LAMA2: variants seen among roughly 807,000 people sequenced by gnomAD.
LAMA2 encodes the protein laminin subunit alpha 2, also known as laminin subunit alpha-2.
LAMA2 carries 269 observed loss-of-function variants against 364.8 expected under a neutral mutation model. That is an observed-to-expected ratio of 0.74 (90% CI 0.67 to 0.82). LAMA2 has a LOEUF of 0.82. Among genes scored for constraint, LAMA2 ranks in the 40% least tolerant of loss-of-function variants. The probability of loss-of-function intolerance (pLI) is 0.00; values close to 1 mark genes in which losing one functional copy is unlikely to be tolerated. For missense variants in LAMA2, 3,807 were observed against 3,873.2 expected (o/e 0.98, Z 0.45); for synonymous variants, 1,379 against 1,370.6 (o/e 1.01, Z -0.14).
intron 12 of LAMA2, among the ~76,000 whole-genome samples, chr6:129,219,993 AAAT>A (rs1242034569): frequency 1.3e-5 from 2 of 151,902 alleles, no homozygotes; most frequent in Admixed American, 6.6e-5. Flanking sequence ...AAATAAAATA[AAAT>A]AAGACCATTA....
chr6:129,186,008 C>T (rs917842641), intron 10 of LAMA2, among the ~76,000 whole-genome samples: 6 of 151,408 alleles, frequency 4.0e-5, no homozygotes, highest in Non-Finnish European at 5.9e-5. Flanking sequence ...TCATTAAATA[C>T]GCAAATTGAA....
chr6:129,222,223 A>G (rs895926231), intron 12 of LAMA2, among the ~76,000 whole-genome samples: 1 of 152,180 alleles, frequency 6.6e-6, no homozygotes, highest in African/African-American at 2.4e-5. Context: ...AGTCACGATT[A>G]GACCAATGAT....
At chr6:129,436,196 C>T (rs1447932107) in intron 41 of LAMA2, among the ~76,000 whole-genome samples, 1 of 152,140 alleles carries the variant, frequency 6.6e-6, no homozygotes, top group African/African-American at 2.4e-5. Flanking sequence ...AGTACATTGT[C>T]CCTCACGGCA....
At chr6:129,025,939 T>C (rs1455710641) in intron 1 of LAMA2, among the ~76,000 whole-genome samples, 1 of 152,192 alleles carries the variant, frequency 6.6e-6, no homozygotes, top group Non-Finnish European at 1.5e-5. Context: ...ACGTATTTGT[T>C]GTGCACAGAC....
chr6:129,507,968 C>T (rs1786239397), intron 62 of LAMA2, among the ~76,000 whole-genome samples: 1 of 138,318 alleles, frequency 7.2e-6, no homozygotes, highest in Admixed American at 7.6e-5. Context: ...CTTCCAGTTT[C>T]TGGAGATGAG....
intron 1 of LAMA2, among the ~76,000 whole-genome samples, chr6:128,934,040 A>G (rs9492143): frequency 0.024 from 3,591 of 152,166 alleles, 126 homozygotes; most frequent in African/African-American, 0.083. Flanking sequence ...CCTTTTCTTT[A>G]TATTTATTTT....
chr6:129,187,229 C>A, intron 10 of LAMA2, among the ~76,000 whole-genome samples: 1 of 151,610 alleles, frequency 6.6e-6, no homozygotes, highest in East Asian at 1.9e-4. Flanking sequence ...TTTGAAAAAA[C>A]AATGATGTCC....
intron 1 of LAMA2, among the ~76,000 whole-genome samples, chr6:128,885,808 C>T (rs767393270): frequency 6.6e-5 from 10 of 152,046 alleles, no homozygotes; most frequent in African/African-American, 1.2e-4. Context: ...TATGTGGTTT[C>T]TATAGCATAC....
intron 64 of LAMA2, among the ~76,000 whole-genome samples, chr6:129,515,705 T>C (rs1786999818): frequency 6.6e-6 from 1 of 152,370 alleles, no homozygotes; most frequent in Middle Eastern, 3.4e-3. Context: ...AAGTCACAAC[T>C]ATAAATTTGT....
intron 4 of LAMA2, among the ~76,000 whole-genome samples, chr6:129,129,910 C>G (rs1777358730): frequency 1.6e-5 from 2 of 123,272 alleles, no homozygotes; most frequent in African/African-American, 3.2e-5. Flanking sequence ...GGCGACAGAG[C>G]GAGATTCCGT....
chr6:129,493,069 C>T (rs896449425), intron 58 of LAMA2, among the ~76,000 whole-genome samples: 5 of 152,048 alleles, frequency 3.3e-5, no homozygotes, highest in African/African-American at 7.2e-5. Context: ...GCAGGAGAAT[C>T]GCTTGAACCC....
intron 12 of LAMA2, among the ~76,000 whole-genome samples, chr6:129,238,003 C>CAAAAAAAAAA (rs372294022): frequency 8.0e-6 from 1 of 125,390 alleles, no homozygotes; most frequent in Non-Finnish European, 1.6e-5. Flanking sequence ...ACTAAAAATA[C>CAAAAAAAAAA]AAAAAAAAAA....
chr6:129,193,568 T>G (rs1781664860), intron 12 of LAMA2, among the ~76,000 whole-genome samples: 1 of 152,230 alleles, frequency 6.6e-6, no homozygotes, highest in Admixed American at 6.5e-5. Flanking sequence ...TGCCTAATAC[T>G]TTGTTGGAAA....
At chr6:128,940,761 G>A (rs1291738220) in intron 1 of LAMA2, among the ~76,000 whole-genome samples, 1 of 152,098 alleles carries the variant, frequency 6.6e-6, no homozygotes. Flanking sequence ...AGGCCAGCCT[G>A]GGTAGCACAA....
Position 128,962,183 on chromosome 6 carries a change from TATAC to T in LAMA2, c.112+78828_112+78831del, listed in dbSNP as rs1463440842. Among the ~76,000 whole-genome samples the T allele has an allele frequency of 1.0e-3, 116 of 113,918 alleles. 1 individual carries two copies. The highest frequency in any genetic ancestry group is 1.5e-3 in the Non-Finnish European group (87 of 56,734). 74.7% of individuals were successfully genotyped at this position (113,918 alleles called of 152,430 possible). On this transcript the variant is annotated intron_variant, in intron 1 of 64. Coordinates refer to ENST00000421865, the MANE Select transcript of LAMA2 (RefSeq NM_000426.4). ...ATATATATATATATATATATATATA[TATAC>T]ACACATACACACACACATACACATA...
intron 1 of LAMA2, among the ~76,000 whole-genome samples, chr6:128,991,557 T>G (rs911898878): frequency 1.3e-5 from 2 of 152,208 alleles, no homozygotes; most frequent in Non-Finnish European, 2.9e-5. Context: ...AATCTGCTTT[T>G]CATACTAAAC....
At chr6:128,992,010 T>C (rs1364685775) in intron 1 of LAMA2, among the ~76,000 whole-genome samples, 1 of 152,238 alleles carries the variant, frequency 6.6e-6, no homozygotes, top group Non-Finnish European at 1.5e-5. Flanking sequence ...TTGTAGTATG[T>C]AGTATAGGAC....
chr6:129,338,092 T>C (rs563746985), intron 29 of LAMA2, among the ~76,000 whole-genome samples: 1 of 152,328 alleles, frequency 6.6e-6, no homozygotes, highest in African/African-American at 2.4e-5. Context: ...TTGCTTTCTC[T>C]GTTGAAGAAA....
Position 129,169,373 on chromosome 6 carries a change from G to C in LAMA2, c.1306+3698G>C, listed in dbSNP as rs573423474. Among the ~76,000 whole-genome samples the C allele has an allele frequency of 5.6e-3, 830 of 149,134 alleles. 5 individuals are homozygous for C. Among genetic ancestry groups the C allele is most frequent in the Non-Finnish European group, 9.2e-3 (622 of 67,716 alleles). On this transcript the variant is annotated intron_variant, in intron 9 of 64. Transcript: ENST00000421865. ...TTTATTGAGAGTTTTTAGCATGAAGGGTTGTTGAATTTTGTCAAAGGCTTT... is the reference window on the plus strand; with the variant it reads ...TTTATTGAGAGTTTTTAGCATGAAGCGTTGTTGAATTTTGTCAAAGGCTTT...
Sources: gnomAD v4.1 joint callset for allele counts (sites outside exome capture counted in the v4.1 genomes callset) on GRCh38, gnomAD v4.1.1 for gene constraint, MANE v1.5 for transcripts, NCBI Gene and HGNC (gene_info 2026-07-23, HGNC 2026-07-21) for gene names.